Variants in UHRF2 observed in about 807,000 individuals in gnomAD.
UHRF2 encodes E3 ubiquitin-protein ligase UHRF2.
Under a neutral mutation model 96.8 loss-of-function variants are expected in UHRF2, and 23 were observed. The ratio of observed to expected loss-of-function variants is 0.24; its 90% CI spans 0.17 to 0.34. The LOEUF is 0.34. Among genes scored for constraint, UHRF2 ranks in the 10% least tolerant of loss-of-function variants. The probability of loss-of-function intolerance (pLI) is 1.00; values close to 1 mark genes in which losing one functional copy is unlikely to be tolerated. For synonymous variants in UHRF2, 385 were observed against 332.6 expected (o/e 1.16, Z -1.72); for missense variants, 685 against 981.5 (o/e 0.70, Z 4.04).
chr9:6,473,533 G>A (rs192626274), intron 4 of UHRF2, among the ~76,000 whole-genome samples: 12 of 152,262 alleles, frequency 7.9e-5, no homozygotes, highest in South Asian at 2.1e-4. Flanking sequence ...AGTAGCTGCC[G>A]TCAGGAGAGG....
At chr9:6,458,939 C>T (rs1822352357) in intron 3 of UHRF2, among the ~76,000 whole-genome samples, 1 of 152,130 alleles carries the variant, frequency 6.6e-6, no homozygotes. Context: ...AAGCTGGAAA[C>T]CATCATTCTC....
intron 3 of UHRF2, among the ~76,000 whole-genome samples, chr9:6,450,252 C>G (rs546151146): frequency 3.8e-4 from 58 of 151,866 alleles, no homozygotes; most frequent in Middle Eastern, 6.8e-3. Context: ...CAAAAACAAA[C>G]CCCACCCATT....
At chr9:6,470,926 A>G (rs1823206673) in intron 4 of UHRF2, among the ~76,000 whole-genome samples, 1 of 152,254 alleles carries the variant, frequency 6.6e-6, no homozygotes, top group South Asian at 2.1e-4. Context: ...ACACAACTGT[A>G]TCAGCCTTTA....
intron 8 of UHRF2, chr9:6,484,713 C>G (rs1824158706): frequency 6.7e-6 from 1 of 149,110 alleles, no homozygotes; most frequent in African/African-American, 2.5e-5. Flanking sequence ...CTTGCCCTAC[C>G]TTCTTATTTC....
chr9:6,486,000 G>A (rs1477662128), intron 8 of UHRF2, among the ~76,000 whole-genome samples: 3 of 152,054 alleles, frequency 2.0e-5, no homozygotes, highest in Non-Finnish European at 2.9e-5. Context: ...GTAATATTGA[G>A]TAGTTTTGGC....
Position 6,499,889 on chromosome 9 carries a change from A to G in UHRF2, c.1963A>G (p.Lys655Glu). 6.2e-7 allele frequency: 1 copy of G among 1,610,892 alleles called. No homozygotes were observed. The highest frequency in any genetic ancestry group is 8.5e-7 in the Non-Finnish European group (1 of 1,177,964). ...KEGKKPKGQS[K>E]KQPSGTTKRP... The stretch of plus-strand genomic sequence containing the variant: ...AGGGAAGAAGCCTAAAGGACAGTCA[A>G]AGAAGCAGCCCAGTGGAACCACAAA... The change falls in exon 13 of 16, where the codon AAG becomes GAG. Residue 655 changes from lysine to glutamate, a missense_variant. Lys to Glu is a moderately conservative substitution (Grantham distance 56, BLOSUM62 1). Around this residue, in one of 6 missense-constraint regions of UHRF2, gnomAD observed 99 missense variants for 73.5 expected, o/e 1.35. Transcript: ENST00000276893.
At chr9:6,452,034 A>G (rs13284392) in intron 3 of UHRF2, among the ~76,000 whole-genome samples, 4,782 of 152,138 alleles carry the variant, frequency 0.031, 123 homozygotes, top group Middle Eastern at 0.061. Context: ...GTGTATTTAT[A>G]CATATATACA....
At chr9:6,475,165 C>G (rs1823489594) in intron 4 of UHRF2, among the ~76,000 whole-genome samples, 1 of 152,056 alleles carries the variant, frequency 6.6e-6, no homozygotes, top group Non-Finnish European at 1.5e-5. Flanking sequence ...ACCAGATTAT[C>G]TAATGAAGTC....
At chr9:6,491,224 G>A (rs1824638623) in intron 9 of UHRF2, among the ~76,000 whole-genome samples, 2 of 152,210 alleles carry the variant, frequency 1.3e-5, no homozygotes, top group South Asian at 4.1e-4. Context: ...GGAAGCCAGA[G>A]TCTGTTTGGT....
At position 6,423,390 on chromosome 9, in the gene UHRF2, A is replaced by G. The variant is rs376646952; in HGVS notation, c.384+2248A>G. Among the ~76,000 whole-genome samples, 19 of 152,324 alleles carry G rather than the reference A, an allele frequency of 1.2e-4. No individual in the cohort carries two copies. The East Asian group carries it at 3.1e-3, about 25-fold the overall frequency. ...AAGCACATCAGCTTCACTAACATTG[A>G]CATAAAACCTAAGTTCTAGTCAGCA... On this transcript the variant is annotated intron_variant, in intron 2 of 15. Coordinates refer to ENST00000276893, the MANE Select transcript of UHRF2 (RefSeq NM_152896.3).
intron 10 of UHRF2, 94 bp from the exon 11 acceptor site, chr9:6,497,104 G>A (rs1383822244): frequency 2.8e-6 from 3 of 1,067,396 alleles, no homozygotes; most frequent in Non-Finnish European, 4.0e-6. Context: ...TAACCATCAG[G>A]TAAGGTATAA....
intron 2 of UHRF2, among the ~76,000 whole-genome samples, chr9:6,423,998 T>A (rs1231009994): frequency 3.9e-5 from 1 of 25,486 alleles, no homozygotes; most frequent in African/African-American, 1.7e-4. Flanking sequence ...ATAGACAGAA[T>A]AGGTTAATAT....
chr9:6,473,204 G>A (rs531406734), intron 4 of UHRF2, among the ~76,000 whole-genome samples: 2 of 152,266 alleles, frequency 1.3e-5, no homozygotes, highest in African/African-American at 4.8e-5. Context: ...TCAACTGGAA[G>A]CTCCCACTGG....
chr9:6,414,776 T>C (rs1297805123), intron 1 of UHRF2, among the ~76,000 whole-genome samples: 1 of 152,216 alleles, frequency 6.6e-6, no homozygotes, highest in Non-Finnish European at 1.5e-5. Context: ...AGAAATTTCA[T>C]AGTAACAAAT....
intron 3 of UHRF2, among the ~76,000 whole-genome samples, chr9:6,453,042 A>C (rs1441057542): frequency 1.3e-5 from 2 of 152,136 alleles, no homozygotes; most frequent in Non-Finnish European, 2.9e-5. Context: ...AGAATTTAAA[A>C]ATGTATGCTT....
At position 6,475,350 on chromosome 9, in the gene UHRF2, T is replaced by A. The variant is rs751416548; in HGVS notation, c.864-41T>A. The A allele has an allele frequency of 6.9e-6, 9 of 1,310,834 alleles. No homozygotes were observed. In the South Asian group the frequency reaches 1.5e-4, roughly 22 times the overall value. The allele number at this position is 1,310,834 out of a possible 1,614,324, so 81.2% of individuals were successfully genotyped here. A position where few individuals can be genotyped will look rare whatever the true frequency, so the allele number is the denominator to read the frequency against. On this transcript the variant is annotated intron_variant, in intron 4 of 15. Transcript: ENST00000276893. ...AATTATTATTTGTATATACCTTAGA[T>A]TTTGCTGGCAGAAGTTAACCTTTCT...
Position 6,475,436 on chromosome 9 carries a change from T to A in UHRF2, c.909T>A (p.Asp303Glu), listed in dbSNP as rs775052106. 2.5e-6 allele frequency: 4 copies of A among 1,588,984 alleles called. No individual in the cohort carries two copies. Among genetic ancestry groups the A allele is most frequent in the Non-Finnish European group, 3.4e-6 (4 of 1,166,908 alleles). The stretch of plus-strand genomic sequence containing the variant: ...ATGACTGCAAGATAATATCTGTAGA[T>A]GAAATCTTCAAGATTGAGAGACCTG... ...TLNDCKIISV[D>E]EIFKIERPGA... Residue 303 changes from aspartate (D) to glutamate (E), a missense_variant, in exon 5 of 16, where the codon GAT (aspartate) becomes GAA (glutamate). Physicochemically the swap from Asp to Glu is conservative, Grantham distance 45 (BLOSUM62 2). Coordinates refer to ENST00000276893, the MANE Select transcript of UHRF2 (RefSeq NM_152896.3).
chr9:6,415,898 G>A (rs1479539711), intron 1 of UHRF2, among the ~76,000 whole-genome samples: 1 of 152,110 alleles, frequency 6.6e-6, no homozygotes, highest in Non-Finnish European at 1.5e-5. Context: ...TTCAAAGTAT[G>A]GTCCCTGGAT....
At chr9:6,481,232 C>G (rs1240973797) in intron 6 of UHRF2, among the ~76,000 whole-genome samples, 1 of 152,142 alleles carries the variant, frequency 6.6e-6, no homozygotes. Flanking sequence ...TACCATTTTT[C>G]TCTGGGAATT....
Sources: allele counts gnomAD v4.1 joint callset (sites outside exome capture counted in the v4.1 genomes callset), GRCh38; gene constraint gnomAD v4.1.1; regional missense constraint gnomAD v4.1.1; transcripts MANE v1.5; gene names NCBI Gene and HGNC (gene_info 2026-07-23, HGNC 2026-07-21).